Variants in FGFR1 observed in about 807,000 individuals in gnomAD.
FGFR1 encodes the protein fibroblast growth factor receptor 1.
A neutral mutation model predicts 93.7 loss-of-function variants in FGFR1; 18 were observed. The observed-to-expected ratio is 0.19, with a 90% CI of 0.13 to 0.28. The LOEUF is 0.28. Ranked by LOEUF, FGFR1 falls within the 10% of genes least tolerant of loss-of-function variation. FGFR1 has a pLI of 1.00. For synonymous variants in FGFR1, 448 were observed against 429.3 expected, an observed-to-expected ratio of 1.04 and a Z score of -0.54; for missense variants, 731 against 1,080.4, an observed-to-expected ratio of 0.68 and a Z score of 4.53.
chr8:38,445,512 C>T (rs1296738287), intron 2 of FGFR1, among the ~76,000 whole-genome samples: 1 of 152,110 alleles, frequency 6.6e-6, no homozygotes, highest in Non-Finnish European at 1.5e-5. Context: ...AAGTGCATGT[C>T]AGGCATTCAT....
At position 38,429,451 on chromosome 8, in the gene FGFR1, G is replaced by A. The variant is rs898332324; in HGVS notation, c.358+231C>T. ...CAAGAGCCCTGGCAATCACCTCCGA[G>A]GTGTGTCCTGGAAGCCCCAGATCTC... On this transcript the variant is annotated intron_variant, in intron 3 of 17. Coordinates refer to ENST00000447712, the MANE Select transcript of FGFR1 (RefSeq NM_023110.3). The surrounding 1 kb of genome is among the most constrained non-coding windows in gnomAD (Gnocchi z 4.4). 12 of 701,750 alleles carry A rather than the reference G, an allele frequency of 1.7e-5. No homozygotes were observed. Among genetic ancestry groups the A allele is most frequent in the African/African-American group, 3.5e-5 (2 of 57,256 alleles). 43.5% of individuals were successfully genotyped at this position (701,750 alleles called of 1,614,324 possible).
chr8:38,459,617 T>C (rs557634012), intron 1 of FGFR1, among the ~76,000 whole-genome samples: 1 of 152,234 alleles, frequency 6.6e-6, no homozygotes, highest in African/African-American at 2.4e-5. Flanking sequence ...ACTATAAACT[T>C]ATGGGGGATA....
chr8:38,457,799 A>G (rs1350119803), intron 1 of FGFR1, among the ~76,000 whole-genome samples: 1 of 152,090 alleles, frequency 6.6e-6, no homozygotes, highest in African/African-American at 2.4e-5. Context: ...CAGCCTGGCC[A>G]TGGCGAAACC....
Position 38,468,153 on chromosome 8 carries a change from G to A in FGFR1, c.-261C>T, listed in dbSNP as rs965927674. The A allele has an allele frequency of 8.8e-6, 2 of 227,838 alleles. No homozygotes were observed. Among genetic ancestry groups the A allele is most frequent in the Non-Finnish European group, 1.7e-5 (2 of 114,502 alleles). The allele number at this position is 227,838 out of a possible 1,614,324, so 14.1% of individuals were successfully genotyped here. A position where few individuals can be genotyped will look rare whatever the true frequency, so the allele number is the denominator to read the frequency against. On this transcript the variant is annotated 5_prime_UTR_variant, in exon 1 of 18. Coordinates refer to ENST00000447712, the MANE Select transcript of FGFR1 (RefSeq NM_023110.3). ...CTCCCGGCGGCGCTCGGTGCTCGGC[G>A]CCTCCAGCCCGGGCGGGAACAATGG...
chr8:38,450,649 T>C (rs17580578), intron 2 of FGFR1, among the ~76,000 whole-genome samples: 10,737 of 152,086 alleles, frequency 0.071, 535 homozygotes, highest in Non-Finnish European at 0.1. Flanking sequence ...CGACTCCAGG[T>C]AGTCACAGGA....
chr8:38,448,452 G>T (rs891055840), intron 2 of FGFR1, among the ~76,000 whole-genome samples: 1 of 152,018 alleles, frequency 6.6e-6, no homozygotes, highest in Non-Finnish European at 1.5e-5. Context: ...GCCAATTTTT[G>T]TATTTTTAGT....
At chr8:38,456,272 TA>T (rs1832806569) in intron 2 of FGFR1, among the ~76,000 whole-genome samples, 1 of 152,166 alleles carries the variant, frequency 6.6e-6, no homozygotes, top group Admixed American at 6.5e-5. Context: ...GAAATGCTCA[TA>T]CATTAGTTTT....
At chr8:38,428,662 T>C in intron 3 of FGFR1, 7 of 566,046 alleles carry the variant, frequency 1.2e-5, no homozygotes, top group Non-Finnish European at 1.9e-5. Context: ...GCCTTCACAC[T>C]GGGTGGTTCC....
intron 1 of FGFR1, among the ~76,000 whole-genome samples, chr8:38,459,856 A>G (rs1833931117): frequency 6.6e-6 from 1 of 152,154 alleles, no homozygotes; most frequent in Non-Finnish European, 1.5e-5. Flanking sequence ...TCTGGTAACA[A>G]AAGAGGCTTG....
At chr8:38,454,819 C>G (rs866044486) in intron 2 of FGFR1, among the ~76,000 whole-genome samples, 2 of 152,130 alleles carry the variant, frequency 1.3e-5, no homozygotes, top group African/African-American at 4.8e-5. Flanking sequence ...AGTGGCAGAG[C>G]AGGATGCAAA....
At chr8:38,446,365 C>A (rs1258702970) in intron 2 of FGFR1, among the ~76,000 whole-genome samples, 1 of 152,090 alleles carries the variant, frequency 6.6e-6, no homozygotes, top group Non-Finnish European at 1.5e-5. Context: ...CGCCCGCCAC[C>A]ACACCCGGCT....
rs1818942495 is a variant in FGFR1 at position 38,421,871 on chromosome 8, G to A, written c.1007C>T (p.Ala336Val). 1 of 1,613,964 alleles carries A rather than the reference G, an allele frequency of 6.2e-7. No homozygotes were observed. Residue 336 changes from alanine to valine, a missense_variant, in exon 8 of 18, where the codon GCA becomes GTA. Physicochemically the swap from Ala to Val is moderately conservative, Grantham distance 64. Coordinates refer to ENST00000447712, the MANE Select transcript of FGFR1 (RefSeq NM_023110.3). ...LHLRNVSFEDAGEYTCLAGNS... is the reference protein window; with the variant it reads ...LHLRNVSFEDVGEYTCLAGNS... ...ACCCGCCAAGCACGTATACTCCCCTGCGTCCTCAAAGGAGACATTTCTTAA... is the reference window on the plus strand; with the variant it reads ...ACCCGCCAAGCACGTATACTCCCCTACGTCCTCAAAGGAGACATTTCTTAA...
rs750246091 is a variant in FGFR1, at chr8:38,459,623, G to T, written c.-88-2089C>A. On this transcript the variant is annotated intron_variant, in intron 1 of 17. Transcript: ENST00000447712. ...TCATTCCTCACTATAAACTTATGGG[G>T]GATAAGTTTTATTATTCCTTTTATG... is the stretch of plus-strand genomic sequence containing the variant. 2.3e-4 allele frequency among the ~76,000 whole-genome samples: 35 copies of T among 152,184 alleles called. No homozygotes were observed. The highest frequency in any genetic ancestry group is 6.8e-3 in the Middle Eastern group (2 of 294).
chr8:38,425,818 G>A, intron 6 of FGFR1: 1 of 431,980 alleles, frequency 2.3e-6, no homozygotes. Context: ...TTAAGCGACA[G>A]CTCCTATTAC....
At chr8:38,447,003 T>C (rs1216072035) in intron 2 of FGFR1, among the ~76,000 whole-genome samples, 2 of 152,066 alleles carry the variant, frequency 1.3e-5, no homozygotes, top group Non-Finnish European at 2.9e-5. Flanking sequence ...TTGATTATTC[T>C]AGGCTAGGGA....
chr8:38,416,783 G>A (rs558920390), intron 12 of FGFR1, among the ~76,000 whole-genome samples: 56 of 149,636 alleles, frequency 3.7e-4, no homozygotes, highest in African/African-American at 1.2e-3. Context: ...TTGAGACAGC[G>A]GGAGTATCTC....
At chr8:38,449,902 G>A (rs1830513378) in intron 2 of FGFR1, among the ~76,000 whole-genome samples, 1 of 152,252 alleles carries the variant, frequency 6.6e-6, no homozygotes, top group African/African-American at 2.4e-5. Context: ...AACAGGAGAA[G>A]GGAGGGAACT....
intron 2 of FGFR1, chr8:38,430,951 G>A (rs1822870245): frequency 6.6e-6 from 1 of 152,260 alleles, no homozygotes; most frequent in African/African-American, 2.4e-5. Flanking sequence ...CCCATCTCCT[G>A]AGCACACCCC....
Position 38,426,384 on chromosome 8 carries a change from A to G in FGFR1, c.622-139T>C, listed in dbSNP as rs2150873586. On this transcript the variant is annotated intron_variant, in intron 5 of 17. Transcript: ENST00000447712. The surrounding 1 kb of genome is among the most constrained non-coding windows in gnomAD (Gnocchi z 4.1). ...GCCCCAGGCTGCAGGGTTGGCTAGGACAAGGCGTGGATTGCCCCCCTACCA... is the reference window on the plus strand; with the variant it reads ...GCCCCAGGCTGCAGGGTTGGCTAGGGCAAGGCGTGGATTGCCCCCCTACCA... 7.9e-7 allele frequency: 1 copy of G among 1,259,042 alleles called. No homozygotes were observed. The highest frequency in any genetic ancestry group is 1.1e-6 in the Non-Finnish European group (1 of 873,726). The allele number at this position is 1,259,042 out of a possible 1,614,324, so 78.0% of individuals were successfully genotyped here.
Sources: gnomAD v4.1 joint callset for allele counts (sites outside exome capture counted in the v4.1 genomes callset) on GRCh38, gnomAD v4.1.1 for gene constraint, Gnocchi (gnomAD v3.1) non-coding constraint, MANE v1.5 for transcripts, NCBI Gene and HGNC (gene_info 2026-07-23, HGNC 2026-07-21) for gene names.